Variants in IGSF3 observed in about 807,000 individuals in gnomAD.
The protein encoded by IGSF3 is glu-Trp-Ile EWI motif-containing protein 3.
A neutral mutation model predicts 114.4 loss-of-function variants in IGSF3; 23 were observed. The ratio of observed to expected loss-of-function variants is 0.20; its 90% CI spans 0.14 to 0.28. The LOEUF is 0.28. Among genes scored for constraint, IGSF3 ranks in the 10% least tolerant of loss-of-function variants. IGSF3 has a pLI of 1.00. For synonymous variants in IGSF3, 571 were observed against 645.2 expected, an observed-to-expected ratio of 0.88 and a Z score of 1.74; for missense variants, 1,172 against 1,591.5, an observed-to-expected ratio of 0.74 and a Z score of 4.48.
intron 1 of IGSF3, 122 bp downstream of exon 1, chr1:116,667,496 C>T (rs952646617): frequency 4.0e-5 from 6 of 151,784 alleles, no homozygotes; most frequent in Non-Finnish European, 8.8e-5. Context: ...CGGGCCCGAC[C>T]CGGAGCTCAG....
At position 116,627,236 on chromosome 1, in the gene IGSF3, T is replaced by C. The variant is rs928109810; in HGVS notation, c.44-10779A>G. On this transcript the variant is annotated intron_variant, in intron 2 of 10. Coordinates refer to ENST00000369486, the MANE Select transcript of IGSF3 (RefSeq NM_001007237.3). This position sits in a 1 kb window ranked among gnomAD's most constrained non-coding sequence, Gnocchi z 4.7. ...AGAGTGAGTTCCAGTAAAAGGACCA[T>C]CACTCGAACCAGTAAGTGCCTCATT... is the stretch of plus-strand genomic sequence containing the variant. Among the ~76,000 whole-genome samples the C allele has an allele frequency of 3.9e-5, 6 of 152,134 alleles. No homozygotes were observed. Among genetic ancestry groups the C allele is most frequent in the Admixed American group, 3.3e-4 (5 of 15,274 alleles).
rs1274395965 is a variant in IGSF3 at position 116,592,238 on chromosome 1, C to T, written c.2030-3134G>A. On this transcript the variant is annotated intron_variant, in intron 7 of 10. Transcript: ENST00000369486. The surrounding 1 kb of genome is among the most constrained non-coding windows in gnomAD (Gnocchi z 4.5). The stretch of plus-strand genomic sequence containing the variant: ...CAAGCCTGAGAAACCCTGGACTTGG[C>T]CGTGTGAGTGAATGGGCTTTGAGAG... Among the ~76,000 whole-genome samples the T allele has an allele frequency of 6.6e-6, 1 of 152,186 alleles. No homozygotes were observed. Among genetic ancestry groups the T allele is most frequent in the Non-Finnish European group, 1.5e-5 (1 of 68,038 alleles).
At chr1:116,620,556 T>G (rs1234307058) in intron 2 of IGSF3, among the ~76,000 whole-genome samples, 1 of 152,178 alleles carries the variant, frequency 6.6e-6, no homozygotes, top group Non-Finnish European at 1.5e-5. Flanking sequence ...TGGTGGAATG[T>G]GACTTCCAGG....
chr1:116,660,634 C>T (rs1292751844), intron 2 of IGSF3, among the ~76,000 whole-genome samples: 4 of 151,846 alleles, frequency 2.6e-5, no homozygotes, highest in Admixed American at 6.6e-5. Context: ...CACACCATCA[C>T]GCCCAGCTAA....
Position 116,582,316 on chromosome 1 carries a change from G to C in IGSF3, c.2848+2329C>G, listed in dbSNP as rs931348615. On this transcript the variant is annotated intron_variant, in intron 9 of 10. Transcript: ENST00000369486. This position sits in a 1 kb window ranked among gnomAD's most constrained non-coding sequence, Gnocchi z 4.7. ...TGGAAAGATGCCGACCTCTGCCCCT[G>C]CTGTCTGCGTGACACTAACAGCTCC... Among the ~76,000 whole-genome samples, 3 of 152,158 alleles carry C rather than the reference G, an allele frequency of 2.0e-5. No individual in the cohort carries two copies. Among genetic ancestry groups the C allele is most frequent in the Non-Finnish European group, 4.4e-5 (3 of 68,020 alleles).
Position 116,612,896 on chromosome 1 carries a change from C to T in IGSF3, c.832+869G>A, listed in dbSNP as rs1183687881. ...CAGCTCTGGCCTGGAGCCTGGTGGG[C>T]TCAGGAGACTGGGGAGTAGAGTCTG... is the stretch of plus-strand genomic sequence containing the variant. On this transcript the variant is annotated intron_variant, in intron 4 of 10. Transcript: ENST00000369486. This position sits in a 1 kb window ranked among gnomAD's most constrained non-coding sequence, Gnocchi z 4.1. 1.3e-5 allele frequency among the ~76,000 whole-genome samples: 2 copies of T among 152,352 alleles called. No homozygotes were observed. Among genetic ancestry groups the T allele is most frequent in the South Asian group, 4.1e-4 (2 of 4,830 alleles).
rs1647404661 is a variant in IGSF3 at position 116,628,474 on chromosome 1, G to C, written c.44-12017C>G. 6.6e-6 allele frequency among the ~76,000 whole-genome samples: 1 copy of C among 151,992 alleles called. No homozygotes were observed. Among genetic ancestry groups the C allele is most frequent in the Non-Finnish European group, 1.5e-5 (1 of 68,016 alleles). ...AATGTGCATTTCCCCAACACACTCA[G>C]ATCTAGGTGACCTTGACCAGATGGG... On this transcript the variant is annotated intron_variant, in intron 2 of 10. Transcript: ENST00000369486. The surrounding 1 kb of genome is among the most constrained non-coding windows in gnomAD (Gnocchi z 4.2).
chr1:116,588,707 A>G lies in IGSF3; in HGVS notation c.2427T>C (p.Thr809=), dbSNP rs1171009470. Residue 809 remains threonine, a synonymous_variant, in exon 8 of 11, where the codon ACT becomes ACC. Transcript: ENST00000369486. This position sits in a 1 kb window ranked among gnomAD's most constrained non-coding sequence, Gnocchi z 4.9. ...AEEVSGRTEV[T]VKQPDSRLRL... Reference sequence around the variant, plus strand: ...CTGCGGCCTTACCTGGCTGTTTCACAGTGACTTCTGTGCGCCCAGAAACCT... The same window carrying G: ...CTGCGGCCTTACCTGGCTGTTTCACGGTGACTTCTGTGCGCCCAGAAACCT... 2 of 1,597,782 alleles carry G rather than the reference A, an allele frequency of 1.3e-6. No individual in the cohort carries two copies. The highest frequency in any genetic ancestry group is 1.7e-6 in the Non-Finnish European group (2 of 1,171,428).
intron 2 of IGSF3, among the ~76,000 whole-genome samples, chr1:116,641,107 T>G (rs1421829760): frequency 6.6e-6 from 1 of 152,212 alleles, no homozygotes; most frequent in Non-Finnish European, 1.5e-5. Flanking sequence ...AGATTGGACA[T>G]GAGCTGATAA....
chr1:116,622,372 A>G (rs927251703), intron 2 of IGSF3, among the ~76,000 whole-genome samples: 1 of 152,250 alleles, frequency 6.6e-6, no homozygotes, highest in African/African-American at 2.4e-5. Flanking sequence ...ATATCAATAT[A>G]TAAACAGGAT....
In IGSF3 at chr1:116,592,248, G is replaced by A. The variant is rs1385279684; in HGVS notation, c.2030-3144C>T. 5.3e-5 allele frequency among the ~76,000 whole-genome samples: 8 copies of A among 152,358 alleles called. No homozygotes were observed. In the Middle Eastern group the frequency reaches 0.01, roughly 194 times the overall value. On this transcript the variant is annotated intron_variant, in intron 7 of 10. Transcript: ENST00000369486. This position sits in a 1 kb window ranked among gnomAD's most constrained non-coding sequence, Gnocchi z 4.5. ...AAACCCTGGACTTGGCCGTGTGAGT[G>A]AATGGGCTTTGAGAGGCCATAAATG...
In IGSF3 at chr1:116,624,302, C is replaced by A. The variant is rs546094759; in HGVS notation, c.44-7845G>T. ...GCAAACCTAAAGTTTGGATCGAATTCCTAAGTCTTCGCCTTCACTGACTTC... is the reference window on the plus strand; with the variant it reads ...GCAAACCTAAAGTTTGGATCGAATTACTAAGTCTTCGCCTTCACTGACTTC... On this transcript the variant is annotated intron_variant, in intron 2 of 10. Transcript: ENST00000369486. The surrounding 1 kb of genome is among the most constrained non-coding windows in gnomAD (Gnocchi z 4.9). Among the ~76,000 whole-genome samples, 13 of 152,204 alleles carry A rather than the reference C, an allele frequency of 8.5e-5. No individual in the cohort carries two copies. The East Asian group carries it at 2.3e-3, about 27-fold the overall frequency.
rs543308809 is a variant in IGSF3, at chr1:116,592,735, T to C, written c.2030-3631A>G. Among the ~76,000 whole-genome samples the C allele has an allele frequency of 6.6e-5, 10 of 152,346 alleles. No individual in the cohort carries two copies. The South Asian group carries it at 1.0e-3, about 16-fold the overall frequency. ...CGCTCTACTATAGCTGTGTTACTGC[T>C]GCCTTACAACGAAGGTAATTCTTAA... On this transcript the variant is annotated intron_variant, in intron 7 of 10. Coordinates refer to ENST00000369486, the MANE Select transcript of IGSF3 (RefSeq NM_001007237.3). This position sits in a 1 kb window ranked among gnomAD's most constrained non-coding sequence, Gnocchi z 4.5.
In IGSF3 at chr1:116,616,019, T is replaced by C; in HGVS notation, c.421+61A>G. The stretch of plus-strand genomic sequence containing the variant: ...TCAAATGCATGGCATAAAGCAAAAT[T>C]ACGCTACTAAAGAACTGAGTCAGGC... On this transcript the variant is annotated intron_variant, in intron 3 of 10. Transcript: ENST00000369486. The surrounding 1 kb of genome is among the most constrained non-coding windows in gnomAD (Gnocchi z 6.6). 1 of 1,475,842 alleles carries C rather than the reference T, an allele frequency of 6.8e-7. No individual in the cohort carries two copies. Among genetic ancestry groups the C allele is most frequent in the Non-Finnish European group, 9.1e-7 (1 of 1,093,882 alleles). 91.4% of individuals were successfully genotyped at this position (1,475,842 alleles called of 1,614,324 possible). A position where few individuals can be genotyped will look rare whatever the true frequency, so the allele number is the denominator to read the frequency against.
rs1648591647 is a variant in IGSF3 at position 116,650,547 on chromosome 1, T to C, written c.43+15737A>G. On this transcript the variant is annotated intron_variant, in intron 2 of 10. Coordinates refer to ENST00000369486, the MANE Select transcript of IGSF3 (RefSeq NM_001007237.3). The surrounding 1 kb of genome is among the most constrained non-coding windows in gnomAD (Gnocchi z 5.0). Reference sequence around the variant, plus strand: ...CCTAGAGCTGGAGGCAGGGTCACCTTTCCTTGAGTGGCATGTGGGAGAGGT... The same window carrying C: ...CCTAGAGCTGGAGGCAGGGTCACCTCTCCTTGAGTGGCATGTGGGAGAGGT... Among the ~76,000 whole-genome samples, 1 of 152,172 alleles carries C rather than the reference T, an allele frequency of 6.6e-6. No individual in the cohort carries two copies. Among genetic ancestry groups the C allele is most frequent in the African/African-American group, 2.4e-5 (1 of 41,424 alleles).
chr1:116,639,304 GT>G (rs1647973537), intron 2 of IGSF3, among the ~76,000 whole-genome samples: 1 of 152,248 alleles, frequency 6.6e-6, no homozygotes, highest in African/African-American at 2.4e-5. Context: ...GTCTTAAAGG[GT>G]TTGTGTCTTG....
chr1:116,620,905 T>A (rs1365593705), intron 2 of IGSF3, among the ~76,000 whole-genome samples: 1 of 152,182 alleles, frequency 6.6e-6, no homozygotes, highest in African/African-American at 2.4e-5. Context: ...CATGCCTGGC[T>A]AAATTTTTTA....
rs537808242 is a variant in IGSF3, at chr1:116,614,777, C to A, written c.422-602G>T. Among the ~76,000 whole-genome samples, 283 of 152,254 alleles carry A rather than the reference C, an allele frequency of 1.9e-3. No homozygotes were observed. The highest frequency in any genetic ancestry group is 3.4e-3 in the Middle Eastern group (1 of 294). ...AATTCATCGATCAAAGGGGTCCTCACTGGAAGGAAGCCACAGTCTGGAGAG... is the reference window on the plus strand; with the variant it reads ...AATTCATCGATCAAAGGGGTCCTCAATGGAAGGAAGCCACAGTCTGGAGAG... On this transcript the variant is annotated intron_variant, in intron 3 of 10. Transcript: ENST00000369486. This position sits in a 1 kb window ranked among gnomAD's most constrained non-coding sequence, Gnocchi z 4.5.
Position 116,576,481 on chromosome 1 carries a change from C to T in IGSF3, c.*831G>A, listed in dbSNP as rs1198954936. 2 of 152,606 alleles carry T rather than the reference C, an allele frequency of 1.3e-5. No homozygotes were observed. The highest frequency in any genetic ancestry group is 3.8e-4 in the East Asian group (2 of 5,202). The allele number at this position is 152,606 out of a possible 1,614,324, so 9.5% of individuals were successfully genotyped here. ...CAGGTCAGCAGCTGCTAAAAGCAGC[C>T]CCTGCCCACTTTAATTTGGAAAGTG... On this transcript the variant is annotated 3_prime_UTR_variant, in exon 11 of 11. Transcript: ENST00000369486. The surrounding 1 kb of genome is among the most constrained non-coding windows in gnomAD (Gnocchi z 4.6).
Sources: allele counts gnomAD v4.1 joint callset (sites outside exome capture counted in the v4.1 genomes callset), GRCh38; gene constraint gnomAD v4.1.1; non-coding constraint Gnocchi (gnomAD v3.1); transcripts MANE v1.5; gene names NCBI Gene and HGNC (gene_info 2026-07-23, HGNC 2026-07-21).